Variants in ZNF41 observed in about 807,000 individuals in gnomAD.
ZNF41 encodes zinc finger protein 41.
ZNF41 carries 6 observed loss-of-function variants against 9.3 expected under a neutral mutation model. That is an observed-to-expected ratio of 0.65 (90% CI 0.35 to 1.28). The LOEUF (loss-of-function observed/expected upper bound fraction) is 1.28, where lower values mean the gene tolerates loss of function less well. Among genes scored for constraint, ZNF41 ranks in the 50% most tolerant of loss-of-function variants. ZNF41 has a pLI of 0.03. For missense variants in ZNF41, 523 were observed against 585.8 expected, an observed-to-expected ratio of 0.89 and a Z score of 1.11; for synonymous variants, 192 against 207.1, an observed-to-expected ratio of 0.93 and a Z score of 0.63.
At chrX:47,449,580 A>G in intron 4 of ZNF41, 106 bp from the exon 5 acceptor site, 1 of 853,104 alleles carries the variant, frequency 1.2e-6, no homozygotes, top group Middle Eastern at 3.1e-4. Context: ...GGAAGAGCCC[A>G]TAGGACAATA....
Position 47,448,807 on chromosome X carries a change from A to C in ZNF41, c.963T>G (p.Tyr321Ter), listed in dbSNP as rs371423572. The C allele has an allele frequency of 8.3e-7, 1 of 1,209,965 alleles. No individual in the cohort carries two copies. The highest frequency in any genetic ancestry group is 1.1e-6 in the Non-Finnish European group (1 of 895,270). Residue 321 changes from tyrosine (Y) to a stop codon, truncating the protein, a stop_gained, in exon 5 of 5, where the codon TAT becomes TAG. Transcript: ENST00000684689. LOFTEE classifies it low-confidence loss of function (END_TRUNC). ...KPQVDVHPSVYTGEKPYLCTQ... is the reference protein window; with the variant it reads ...KPQVDVHPSV ...TACACAGATAGGGTTTTTCTCCTGT[A>C]TAAACACTTGGATGTACATCAACCT... is the stretch of plus-strand genomic sequence containing the variant.
rs762982178 is a variant in ZNF41 at position 47,447,758 on chromosome X, G to A, written c.2012C>T (p.Ala671Val). ...KPNICAECGK[A>V]FTDRSNLITH... The stretch of plus-strand genomic sequence containing the variant: ...TATGAGATTTGATCGGTCAGTGAAG[G>A]CCTTTCCACATTCAGCACATATATT... The change falls in exon 5 of 5, where the codon GCC becomes GTC. Residue 671 changes from alanine to valine, a missense_variant. Coordinates refer to ENST00000684689, the MANE Select transcript of ZNF41 (RefSeq NM_001324144.2). The A allele has an allele frequency of 1.7e-6, 2 of 1,211,511 alleles. No individual in the cohort carries two copies. Among genetic ancestry groups the A allele is most frequent in the Admixed American group, 2.2e-5 (1 of 45,949 alleles).
At chrX:47,475,164 T>A (rs866852838) in intron 1 of ZNF41, among the ~76,000 whole-genome samples, 1 of 106,705 alleles carries the variant, frequency 9.4e-6, no homozygotes, top group African/African-American at 3.4e-5. Flanking sequence ...AAAAAAAATA[T>A]ATATATATGT....
At chrX:47,462,927 TCACACAC>T (rs1816969546) in intron 2 of ZNF41, among the ~76,000 whole-genome samples, 3 of 91,150 alleles carry the variant, frequency 3.3e-5, no homozygotes, top group Non-Finnish European at 4.5e-5. Flanking sequence ...TATATATATA[TCACACAC>T]ATATATATAT....
At chrX:47,451,700 AC>A (rs932706511) in intron 4 of ZNF41, among the ~76,000 whole-genome samples, 15 of 112,303 alleles carry the variant, frequency 1.3e-4, no homozygotes, top group Non-Finnish European at 2.4e-4. Context: ...ACATGGCAAA[AC>A]CCTGTCTCTA....
At chrX:47,477,088 T>C (rs938559571) in intron 1 of ZNF41, 2 of 106,419 alleles carry the variant, frequency 1.9e-5, no homozygotes, top group African/African-American at 6.8e-5. Context: ...TCTCCTGACC[T>C]CATGATCCGC....
intron 2 of ZNF41, 41 bp from the exon 3 acceptor site, chrX:47,456,439 C>A: frequency 1.7e-6 from 2 of 1,210,343 alleles, no homozygotes; most frequent in Non-Finnish European, 2.2e-6. Context: ...ATGGTCAGCA[C>A]TGGGGGATGG....
Position 47,449,114 on chromosome X carries a change from C to T in ZNF41, c.656G>A (p.Gly219Glu). The change falls in exon 5 of 5, where the codon GGA becomes GAA. Residue 219 changes from glycine (G) to glutamate (E), a missense_variant. By Grantham distance (98) the Gly-to-Glu change is moderately conservative (BLOSUM62 -2). Coordinates refer to ENST00000684689, the MANE Select transcript of ZNF41 (RefSeq NM_001324144.2). ...SATKNLGKIF[G>E]NGNNFPHSPS... is the part of the protein sequence containing the mutation. ...GCTATGGGGGAAATTGTTACCATTT[C>T]CAAAAATCTTGCCAAGGTTCTTTGT... 2 of 1,211,393 alleles carry T rather than the reference C, an allele frequency of 1.7e-6. No homozygotes were observed. The highest frequency in any genetic ancestry group is 2.2e-6 in the Non-Finnish European group (2 of 895,479).
At chrX:47,461,719 C>CT (rs774551045) in intron 2 of ZNF41, among the ~76,000 whole-genome samples, 1 of 106,269 alleles carries the variant, frequency 9.4e-6, no homozygotes, top group Non-Finnish European at 1.9e-5. Context: ...TCTTTTTTTA[C>CT]TTTTTTGAGA....
rs370579228 is a variant in ZNF41, at chrX:47,448,091, A to T, written c.1679T>A (p.Phe560Tyr). 1 of 1,209,535 alleles carries T rather than the reference A, an allele frequency of 8.3e-7. No individual in the cohort carries two copies. The highest frequency in any genetic ancestry group is 1.1e-6 in the Non-Finnish European group (1 of 895,160). Reference protein sequence around the residue: ...PYKCNGCGKAFIWKSRLKIHQ... With the variant: ...PYKCNGCGKAYIWKSRLKIHQ... ...TATTTTGAGGCGCGACTTCCATATG[A>T]AGGCTTTTCCACAGCCATTGCACTT... The change falls in exon 5 of 5, where the codon TTC becomes TAC. Residue 560 changes from phenylalanine (F) to tyrosine (Y), a missense_variant. By Grantham distance (22) the Phe-to-Tyr change is conservative. Coordinates refer to ENST00000684689, the MANE Select transcript of ZNF41 (RefSeq NM_001324144.2).
chrX:47,464,692 C>T (rs1459353379), intron 2 of ZNF41, among the ~76,000 whole-genome samples: 1 of 111,356 alleles, frequency 9.0e-6, no homozygotes, highest in African/African-American at 3.3e-5. Flanking sequence ...ATTGGCTGGG[C>T]AAGAGGCCAT....
intron 1 of ZNF41, among the ~76,000 whole-genome samples, chrX:47,470,584 G>A (rs191102433): frequency 1.4e-4 from 15 of 106,580 alleles, no homozygotes; most frequent in Middle Eastern, 4.8e-3. Context: ...AAAATTAGCC[G>A]GGCGTGGTGG....
intron 2 of ZNF41, among the ~76,000 whole-genome samples, chrX:47,464,364 C>T (rs2056916772): frequency 9.0e-6 from 1 of 111,333 alleles, no homozygotes; most frequent in Non-Finnish European, 1.9e-5. Flanking sequence ...TGTGACTCCT[C>T]CCAGCCCTCT....
At chrX:47,474,287 T>C (rs972727625) in intron 1 of ZNF41, among the ~76,000 whole-genome samples, 1 of 110,034 alleles carries the variant, frequency 9.1e-6, no homozygotes, top group African/African-American at 3.3e-5. Flanking sequence ...GCCAACATGG[T>C]GAAACCCCAT....
chrX:47,457,703 G>A (rs770350713), intron 2 of ZNF41, among the ~76,000 whole-genome samples: 12 of 112,033 alleles, frequency 1.1e-4, no homozygotes, highest in Non-Finnish European at 2.1e-4. Flanking sequence ...AGCCGGGCAC[G>A]GCGGGTGTCT....
At chrX:47,474,274 C>T (rs1460649610) in intron 1 of ZNF41, among the ~76,000 whole-genome samples, 3 of 110,826 alleles carry the variant, frequency 2.7e-5, no homozygotes, top group African/African-American at 6.6e-5. Flanking sequence ...TGAGACCAGC[C>T]TGGCCAACAT....
chrX:47,474,725 G>C (rs1715434264), intron 1 of ZNF41, among the ~76,000 whole-genome samples: 1 of 106,856 alleles, frequency 9.4e-6, no homozygotes, highest in African/African-American at 3.4e-5. Flanking sequence ...AAAAAATTTA[G>C]AAAGTAGCCA....
chrX:47,451,334 T>C (rs2056355024), intron 4 of ZNF41, among the ~76,000 whole-genome samples: 1 of 112,700 alleles, frequency 8.9e-6, no homozygotes, highest in Non-Finnish European at 1.9e-5. Context: ...AACTGAAGAA[T>C]AAGTATGCTG....
At chrX:47,474,687 G>A (rs1350841323) in intron 1 of ZNF41, among the ~76,000 whole-genome samples, 1 of 106,148 alleles carries the variant, frequency 9.4e-6, no homozygotes, top group African/African-American at 3.4e-5. Flanking sequence ...GACCAGCCTG[G>A]GCAACATGGT....
Sources: allele counts gnomAD v4.1 joint callset (sites outside exome capture counted in the v4.1 genomes callset), GRCh38; gene constraint gnomAD v4.1.1; transcripts MANE v1.5; gene names NCBI Gene and HGNC (gene_info 2026-07-23, HGNC 2026-07-21).